The following APPL2 variants were observed in gnomAD, a reference collection of about 807,000 sequenced individuals.
APPL2 encodes the protein adaptor protein, phosphotyrosine interacting with PH domain and leucine zipper 2, also known as DCC-interacting protein 13-beta.
APPL2 carries 84 observed loss-of-function variants against 92.7 expected under a neutral mutation model. The ratio of observed to expected loss-of-function variants is 0.91; its 90% CI spans 0.76 to 1.09. The LOEUF (loss-of-function observed/expected upper bound fraction) is 1.09. Among genes scored for constraint, APPL2 ranks in the 50% least tolerant of loss-of-function variants. APPL2 has a pLI of 0.00. For missense variants in APPL2, 736 were observed against 824.5 expected (o/e 0.89, Z 1.31); for synonymous variants, 291 against 291.0 (o/e 1.00, Z 0.00).
intron 1 of APPL2, among the ~76,000 whole-genome samples, chr12:105,231,799 T>A (rs1890937630): frequency 6.6e-6 from 1 of 152,246 alleles, no homozygotes; most frequent in Non-Finnish European, 1.5e-5. Context: ...AACTCTGGTC[T>A]TCCCTTTTTA....
At chr12:105,219,633 G>C (rs766786481) in intron 2 of APPL2, among the ~76,000 whole-genome samples, 1 of 152,114 alleles carries the variant, frequency 6.6e-6, no homozygotes, top group South Asian at 2.1e-4. Context: ...ATGGTGTAAG[G>C]GTTTTAAAAT....
chr12:105,203,554 G>C (rs1888409014), intron 9 of APPL2, 149 bp downstream of exon 9: 1 of 679,294 alleles, frequency 1.5e-6, no homozygotes. Flanking sequence ...TGGCAGCTAA[G>C]GCAAGGGCAC....
At chr12:105,184,423 G>A (rs1462055691) in intron 17 of APPL2, among the ~76,000 whole-genome samples, 2 of 152,190 alleles carry the variant, frequency 1.3e-5, no homozygotes, top group African/African-American at 2.4e-5. Flanking sequence ...TTTGATGCTG[G>A]TGACCTTTGG....
chr12:105,228,991 A>C (rs1890723242), intron 2 of APPL2, 134 bp downstream of exon 2: 2 of 746,682 alleles, frequency 2.7e-6, no homozygotes, highest in Admixed American at 6.0e-5. Context: ...AAGTAGTGAG[A>C]AAACAGTTCT....
chr12:105,235,995 C>T lies in APPL2; in HGVS notation c.18G>A (p.Lys6=). 2 of 1,253,010 alleles carry T rather than the reference C, an allele frequency of 1.6e-6. No individual in the cohort carries two copies. The highest frequency in any genetic ancestry group is 2.0e-6 in the Non-Finnish European group (2 of 990,980). 77.6% of individuals were successfully genotyped at this position (1,253,010 alleles called of 1,614,324 possible). A position where few individuals can be genotyped will look rare whatever the true frequency, so the allele number is the denominator to read the frequency against. Residue 6 remains lysine (K), a synonymous_variant, in exon 1 of 21, where the codon AAG becomes AAA. Transcript: ENST00000258530. ...CCTGCAACGCCTCCTCTAGCAGGAG[C>T]TTGTCCACGGCGGGCATGGTGCGGC... MPAVD[K]LLLEEALQDS...
chr12:105,191,627 C>T (rs1592773411), intron 14 of APPL2, among the ~76,000 whole-genome samples: 1 of 152,102 alleles, frequency 6.6e-6, no homozygotes, highest in East Asian at 1.9e-4. Flanking sequence ...AGGGAGCCAC[C>T]AAAGACTCTG....
At chr12:105,186,636 C>CGAT (rs1491368321) in intron 17 of APPL2, among the ~76,000 whole-genome samples, 3 of 88,670 alleles carry the variant, frequency 3.4e-5, no homozygotes, top group Middle Eastern at 7.9e-3. Context: ...TCATATATAT[C>CGAT]ATATATATGA....
chr12:105,206,710 G>A (rs541826481), intron 8 of APPL2: 9 of 198,838 alleles, frequency 4.5e-5, no homozygotes, highest in Non-Finnish European at 9.3e-5. Context: ...GGAATCCTGG[G>A]TGACAGGCAA....
At chr12:105,180,804 A>G (rs1296810642) in intron 17 of APPL2, among the ~76,000 whole-genome samples, 1 of 152,198 alleles carries the variant, frequency 6.6e-6, no homozygotes, top group Non-Finnish European at 1.5e-5. Context: ...ATTTTTGCAC[A>G]TTAATTTTGT....
At chr12:105,221,949 C>T (rs553904935) in intron 2 of APPL2, among the ~76,000 whole-genome samples, 100 of 152,344 alleles carry the variant, frequency 6.6e-4, no homozygotes, top group African/African-American at 2.2e-3. Context: ...GCAGCATCCA[C>T]GGTGAATATG....
chr12:105,198,109 G>A (rs1297045439), intron 10 of APPL2, among the ~76,000 whole-genome samples, 156 bp from the exon 11 acceptor site: 1 of 152,166 alleles, frequency 6.6e-6, no homozygotes, highest in Non-Finnish European at 1.5e-5. Flanking sequence ...GGAAAGAGCA[G>A]CAGAAGGGTA....
Position 105,199,467 on chromosome 12 carries a change from C to G in APPL2, c.769G>C (p.Val257Leu). The change falls in exon 10 of 21, where the codon GTT becomes CTT. Residue 257 changes from valine (V) to leucine (L), a missense_variant. By Grantham distance (32) the Val-to-Leu change is conservative. Transcript: ENST00000258530. ...TCTGGAGTGTAAACAGATTCATCAACAGAAAGTAATTCTTGCTGGGACACC... is the reference window on the plus strand; with the variant it reads ...TCTGGAGTGTAAACAGATTCATCAAGAGAAAGTAATTCTTGCTGGGACACC... ...MRVSQQELLS[V>L]DESVYTPDSD... 1 of 1,614,148 alleles carries G rather than the reference C, an allele frequency of 6.2e-7. No homozygotes were observed. Among genetic ancestry groups the G allele is most frequent in the Non-Finnish European group, 8.5e-7 (1 of 1,180,032 alleles).
At chr12:105,183,616 A>G (rs1886331122) in intron 17 of APPL2, among the ~76,000 whole-genome samples, 1 of 152,222 alleles carries the variant, frequency 6.6e-6, no homozygotes, top group Non-Finnish European at 1.5e-5. Flanking sequence ...GCGTTTCTGC[A>G]GAGAGATCCG....
chr12:105,191,967 G>A (rs373406559), intron 14 of APPL2, among the ~76,000 whole-genome samples: 2 of 152,002 alleles, frequency 1.3e-5, no homozygotes, highest in African/African-American at 4.8e-5. Flanking sequence ...ATGAGTCCCC[G>A]ATTCATACAC....
chr12:105,196,188 A>C (rs1207964014), intron 11 of APPL2, among the ~76,000 whole-genome samples: 1 of 152,138 alleles, frequency 6.6e-6, no homozygotes, highest in South Asian at 2.1e-4. Flanking sequence ...TGAAATGAGA[A>C]GGCGGGACTC....
At chr12:105,203,473 T>C (rs1172619666) in intron 9 of APPL2, 1 of 496,496 alleles carries the variant, frequency 2.0e-6, no homozygotes, top group African/African-American at 2.0e-5. Context: ...TTGTGACATG[T>C]GAAACTCCAA....
intron 11 of APPL2, among the ~76,000 whole-genome samples, chr12:105,196,058 C>CCA (rs1555250769): frequency 2.5e-5 from 3 of 121,618 alleles, no homozygotes; most frequent in Non-Finnish European, 5.3e-5. Context: ...CTATCTCAAA[C>CCA]AAAAAAAAAA....
At chr12:105,224,418 A>G (rs1890344807) in intron 2 of APPL2, among the ~76,000 whole-genome samples, 1 of 152,248 alleles carries the variant, frequency 6.6e-6, no homozygotes, top group African/African-American at 2.4e-5. Context: ...TGATGACAAG[A>G]GGAGCCTCTA....
chr12:105,187,085 C>T (rs990673472), intron 17 of APPL2, among the ~76,000 whole-genome samples: 3 of 151,966 alleles, frequency 2.0e-5, no homozygotes, highest in African/African-American at 7.2e-5. Context: ...CATATATTTT[C>T]CTTTGATCTT....
Sources: gnomAD v4.1 joint callset for allele counts (sites outside exome capture counted in the v4.1 genomes callset) on GRCh38, gnomAD v4.1.1 for gene constraint, MANE v1.5 for transcripts, NCBI Gene and HGNC (gene_info 2026-07-23, HGNC 2026-07-21) for gene names.